ANTXR1: variants seen among roughly 807,000 people sequenced by gnomAD.
ANTXR1 encodes the protein anthrax toxin receptor 1.
Under a neutral mutation model 78.1 loss-of-function variants are expected in ANTXR1, and 19 were observed. The ratio of observed to expected loss-of-function variants is 0.24; its 90% CI spans 0.17 to 0.36. The LOEUF (loss-of-function observed/expected upper bound fraction) is 0.36, where lower values mean the gene tolerates loss of function less well. ANTXR1 is among the 10% of genes least tolerant of loss of function. ANTXR1 has a pLI of 1.00. For missense variants in ANTXR1, 518 were observed against 718.6 expected (o/e 0.72, Z 3.19); for synonymous variants, 273 against 260.5 (o/e 1.05, Z -0.46).
chr2:69,034,425 C>T (rs1295682740), intron 1 of ANTXR1, among the ~76,000 whole-genome samples: 1 of 152,154 alleles, frequency 6.6e-6, no homozygotes, highest in Non-Finnish European at 1.5e-5. Context: ...ACTTGAATTC[C>T]AAATTCTGCT....
chr2:69,026,996 G>T (rs1288146798), intron 1 of ANTXR1, among the ~76,000 whole-genome samples: 1 of 152,128 alleles, frequency 6.6e-6, no homozygotes, highest in African/African-American at 2.4e-5. Flanking sequence ...GTCAAGCCAG[G>T]GTCTACTTTC....
chr2:69,139,546 G>GACAT lies in ANTXR1; in HGVS notation c.952-12622_952-12619dup, dbSNP rs373812510. On this transcript the variant is annotated intron_variant, in intron 12 of 17. Coordinates refer to ENST00000303714, the MANE Select transcript of ANTXR1 (RefSeq NM_032208.3). ...TTGACACCCTATTACACAGTTTAAT[G>GACAT]ACATTGCTTTAAGGAATTGATCATC... Among the ~76,000 whole-genome samples, 34 of 152,304 alleles carry GACAT rather than the reference G, an allele frequency of 2.2e-4. 1 individual carries two copies. In the East Asian group the frequency reaches 4.0e-3, roughly 18 times the overall value.
chr2:69,041,851 C>T (rs1458503044), intron 2 of ANTXR1, among the ~76,000 whole-genome samples: 2 of 152,112 alleles, frequency 1.3e-5, no homozygotes, highest in Non-Finnish European at 2.9e-5. Flanking sequence ...CCAGACAAGG[C>T]ACCCTTCTCT....
intron 13 of ANTXR1, among the ~76,000 whole-genome samples, chr2:69,156,021 C>T (rs967444248): frequency 1.3e-5 from 2 of 149,656 alleles, no homozygotes; most frequent in Admixed American, 6.7e-5. Flanking sequence ...TACACCTTCC[C>T]GGTGGTGTGT....
At chr2:69,152,590 A>G (rs1673428788) in intron 13 of ANTXR1, among the ~76,000 whole-genome samples, 1 of 152,164 alleles carries the variant, frequency 6.6e-6, no homozygotes, top group Non-Finnish European at 1.5e-5. Flanking sequence ...ATGAACATAT[A>G]TGCCTCTGTG....
At chr2:69,061,073 C>T (rs367941115) in intron 3 of ANTXR1, among the ~76,000 whole-genome samples, 1 of 152,128 alleles carries the variant, frequency 6.6e-6, no homozygotes, top group Admixed American at 6.5e-5. Flanking sequence ...TGAAGATGAA[C>T]AAACCATGTA....
chr2:69,075,895 A>T (rs1238513797), intron 7 of ANTXR1, among the ~76,000 whole-genome samples: 1 of 152,216 alleles, frequency 6.6e-6, no homozygotes, highest in East Asian at 1.9e-4. Context: ...GGCAAACATT[A>T]AATTGCCAGG....
intron 3 of ANTXR1, among the ~76,000 whole-genome samples, chr2:69,047,855 A>G (rs116248990): frequency 0.037 from 5,584 of 152,232 alleles, 130 homozygotes; most frequent in Middle Eastern, 0.12. Context: ...AAGTTTAGGT[A>G]ACCTGCCGAG....
chr2:69,203,261 C>T (rs1260942416), intron 17 of ANTXR1, among the ~76,000 whole-genome samples: 1 of 152,114 alleles, frequency 6.6e-6, no homozygotes. Flanking sequence ...AGGAAATGTT[C>T]CTAGAGGGTG....
intron 12 of ANTXR1, among the ~76,000 whole-genome samples, chr2:69,143,616 A>G (rs1404001462): frequency 1.3e-5 from 2 of 152,184 alleles, no homozygotes; most frequent in East Asian, 3.8e-4. Context: ...GAGACAACCC[A>G]TCGAGAGTTT....
At chr2:69,100,345 G>A (rs1671567130) in intron 9 of ANTXR1, among the ~76,000 whole-genome samples, 1 of 152,196 alleles carries the variant, frequency 6.6e-6, no homozygotes, top group East Asian at 1.9e-4. Flanking sequence ...ACCCTATCAG[G>A]CAGGATGGGA....
chr2:69,099,934 A>G (rs1019168944), intron 9 of ANTXR1, among the ~76,000 whole-genome samples: 4 of 152,256 alleles, frequency 2.6e-5, no homozygotes, highest in East Asian at 3.8e-4. Flanking sequence ...GAAGCTTTCA[A>G]TGTAATTGGG....
intron 1 of ANTXR1, among the ~76,000 whole-genome samples, chr2:69,018,085 G>A (rs1213487821): frequency 2.0e-5 from 3 of 152,104 alleles, no homozygotes; most frequent in Non-Finnish European, 2.9e-5. Context: ...CAGGAGGAGT[G>A]GAGATGGTGG....
chr2:69,018,096 T>G (rs6716266), intron 1 of ANTXR1, among the ~76,000 whole-genome samples: 34,248 of 151,774 alleles, frequency 0.23, 6,217 homozygotes, highest in African/African-American at 0.51. Context: ...GAGATGGTGG[T>G]CTGGAAGGCA....
At chr2:69,136,953 G>A (rs1672924622) in intron 12 of ANTXR1, among the ~76,000 whole-genome samples, 1 of 152,164 alleles carries the variant, frequency 6.6e-6, no homozygotes, top group African/African-American at 2.4e-5. Context: ...GTACTGGAGA[G>A]AAATCATTGA....
chr2:69,230,824 G>A (rs1387008124), intron 17 of ANTXR1, among the ~76,000 whole-genome samples: 1 of 152,070 alleles, frequency 6.6e-6, no homozygotes, highest in Non-Finnish European at 1.5e-5. Flanking sequence ...TTTATTTTAG[G>A]TTTGGGGGTA....
At chr2:69,179,390 T>C (rs1674217065) in intron 14 of ANTXR1, among the ~76,000 whole-genome samples, 2 of 151,606 alleles carry the variant, frequency 1.3e-5, no homozygotes, top group Non-Finnish European at 1.5e-5. Flanking sequence ...TTACAAAAAA[T>C]AGAAAAATTA....
At chr2:69,179,555 G>A (rs1674222351) in intron 14 of ANTXR1, among the ~76,000 whole-genome samples, 1 of 151,196 alleles carries the variant, frequency 6.6e-6, no homozygotes, top group African/African-American at 2.4e-5. Context: ...AAAATTAGCA[G>A]GTACAAGGAG....
chr2:69,066,439 G>A (rs71413181), intron 3 of ANTXR1, among the ~76,000 whole-genome samples: 599 of 152,104 alleles, frequency 3.9e-3, no homozygotes, highest in Admixed American at 6.3e-3. Context: ...GGGATTACAG[G>A]CATACACCAC....
Sources: allele counts gnomAD v4.1 joint callset (sites outside exome capture counted in the v4.1 genomes callset), GRCh38; gene constraint gnomAD v4.1.1; transcripts MANE v1.5; gene names NCBI Gene and HGNC (gene_info 2026-07-23, HGNC 2026-07-21).